Variants in DOK2 observed in about 807,000 individuals in gnomAD.
DOK2 encodes the protein docking protein 2.
In DOK2, 28 loss-of-function variants were observed where a neutral mutation model predicts 26.0. That is an observed-to-expected ratio of 1.08 (90% CI 0.80 to 1.48). The LOEUF is 1.48. Among genes scored for constraint, DOK2 ranks in the 40% most tolerant of loss-of-function variants. DOK2 has a pLI of 0.00. For synonymous variants in DOK2, 282 were observed against 236.9 expected (o/e 1.19, Z -1.75); for missense variants, 682 against 558.2 (o/e 1.22, Z -2.23).
chr8:21,911,676 G>A (rs1446773269), intron 3 of DOK2, among the ~76,000 whole-genome samples: 1 of 152,166 alleles, frequency 6.6e-6, no homozygotes, highest in Non-Finnish European at 1.5e-5. Flanking sequence ...GCAGGCCCTA[G>A]GTAAGATGAG....
In DOK2 at chr8:21,909,738, T is replaced by A; in HGVS notation, c.812A>T (p.Tyr271Phe). The change falls in exon 5 of 5, where the codon TAC becomes TTC. Residue 271 changes from tyrosine to phenylalanine, a missense_variant. Coordinates refer to ENST00000276420, the MANE Select transcript of DOK2 (RefSeq NM_003974.4). ...CGGCAGTGAGTCATGCGGCCGAGAG[T>A]AGGGGCTATCAGGCCGGGGCAGCGA... ...PASLPRPDSP[Y>F]SRPHDSLPPP... The A allele has an allele frequency of 6.2e-7, 1 of 1,613,220 alleles. No homozygotes were observed. The highest frequency in any genetic ancestry group is 1.1e-5 in the South Asian group (1 of 91,054).
rs747640366 is a variant in DOK2 at position 21,909,502 on chromosome 8, C to T, written c.1048G>A (p.Gly350Arg). 3.1e-6 allele frequency: 5 copies of T among 1,614,148 alleles called. No individual in the cohort carries two copies. Among genetic ancestry groups the T allele is most frequent in the Middle Eastern group, 1.6e-4 (1 of 6,062 alleles). ...TCATAGAGGGACAGGGCAGCCACTC[C>T]CTCGGGCTCATCGTATATGTGGTCA... ...RPDHIYDEPEGVAALSLYDSP... is the reference protein window; with the variant it reads ...RPDHIYDEPERVAALSLYDSP... Residue 350 changes from glycine (G) to arginine (R), a missense_variant, in exon 5 of 5, where the codon GGA becomes AGA. By Grantham distance (125) the Gly-to-Arg change is moderately radical. Transcript: ENST00000276420.
rs556487729 is a variant in DOK2, at chr8:21,912,636, G to A, written c.64-126C>T. 3.0e-5 allele frequency: 27 copies of A among 908,978 alleles called. No individual in the cohort carries two copies. The African/African-American group carries it at 4.4e-4, about 15-fold the overall frequency. 56.3% of individuals were successfully genotyped at this position (908,978 alleles called of 1,614,324 possible). On this transcript the variant is annotated intron_variant, in intron 1 of 4. Transcript: ENST00000276420. ...GCAGCCACTTGGAGATGGGGAGAGAGAGGTGAAGATCACATGAGACCCAGG... is the reference window on the plus strand; with the variant it reads ...GCAGCCACTTGGAGATGGGGAGAGAAAGGTGAAGATCACATGAGACCCAGG...
Position 21,909,743 on chromosome 8 carries a change from G to A in DOK2, c.807C>T (p.Ser269=). ...GTGAGTCATGCGGCCGAGAGTAGGG[G>A]CTATCAGGCCGGGGCAGCGACGCGG... ...TIPASLPRPD[S]PYSRPHDSLP... The change falls in exon 5 of 5, where the codon AGC becomes AGT. Residue 269 remains serine, a synonymous_variant. Coordinates refer to ENST00000276420, the MANE Select transcript of DOK2 (RefSeq NM_003974.4). 1 of 1,613,726 alleles carries A rather than the reference G, an allele frequency of 6.2e-7. No homozygotes were observed. The highest frequency in any genetic ancestry group is 8.5e-7 in the Non-Finnish European group (1 of 1,180,012).
At chr8:21,911,796 A>T (rs1809854753) in intron 3 of DOK2, 105 bp downstream of exon 3, 1 of 1,275,060 alleles carries the variant, frequency 7.8e-7, no homozygotes, top group Non-Finnish European at 1.1e-6. Context: ...GGATAACCAC[A>T]AGGCAGGAAG....
rs1809860620 is a variant in DOK2, at chr8:21,911,888, C to T, written c.433+13G>A. 3 of 1,553,820 alleles carry T rather than the reference C, an allele frequency of 1.9e-6. No individual in the cohort carries two copies. The East Asian group carries it at 7.2e-5, about 37-fold the overall frequency. Reference sequence around the variant, plus strand: ...GCCCCCAGGGGAGAGCAGGGCAGCCCCCGCCCCCTCACCTGTGACTGCGCT... The same window carrying T: ...GCCCCCAGGGGAGAGCAGGGCAGCCTCCGCCCCCTCACCTGTGACTGCGCT... On this transcript the variant is annotated intron_variant, in intron 3 of 4. Transcript: ENST00000276420.
At position 21,909,915 on chromosome 8, in the gene DOK2, T is replaced by A; in HGVS notation, c.635A>T (p.Glu212Val). 1 of 1,609,784 alleles carries A rather than the reference T, an allele frequency of 6.2e-7. No individual in the cohort carries two copies. Among genetic ancestry groups the A allele is most frequent in the Non-Finnish European group, 8.5e-7 (1 of 1,179,134 alleles). Residue 212 changes from glutamate to valine, a missense_variant, in exon 5 of 5, where the codon GAG (glutamate) becomes GTG (valine). Coordinates refer to ENST00000276420, the MANE Select transcript of DOK2 (RefSeq NM_003974.4). ...TCCAGAGACGCAGCGACGGCCTGCC[T>A]CAAAGGAAAAGGTTACCTGGACCAG... ...FGRDKVTFSFEAGRRCVSGEG... is the reference protein window; with the variant it reads ...FGRDKVTFSFVAGRRCVSGEG...
chr8:21,908,905 T>A lies in DOK2; in HGVS notation c.*406A>T, dbSNP rs548995517. 240 of 162,842 alleles carry A rather than the reference T, an allele frequency of 1.5e-3. No homozygotes were observed. Among genetic ancestry groups the A allele is most frequent in the South Asian group, 5.9e-3 (30 of 5,050 alleles). 10.1% of individuals were successfully genotyped at this position (162,842 alleles called of 1,614,324 possible). On this transcript the variant is annotated 3_prime_UTR_variant, in exon 5 of 5. Transcript: ENST00000276420. ...AAAATGCTTTAATGCCACCAAGAAA[T>A]CTGAAAGGTGCAGGAAGCTGCCGCC... is the stretch of plus-strand genomic sequence containing the variant.
At chr8:21,912,857 TGGCCGA>T (rs1011877680) in intron 1 of DOK2, among the ~76,000 whole-genome samples, 56 of 152,300 alleles carry the variant, frequency 3.7e-4, no homozygotes, top group African/African-American at 1.3e-3. Context: ...AGCGGGGCAG[TGGCCGA>T]GGCCCAGAGG....
Position 21,912,310 on chromosome 8 carries a change from G to A in DOK2, c.264C>T (p.Thr88=). 6.2e-7 allele frequency: 1 copy of A among 1,604,220 alleles called. No homozygotes were observed. ...PRDTSAFFLE[T]KERLYLLAAP... is the part of the protein sequence containing the mutation. Reference sequence around the variant, plus strand: ...CCGCCAGGAGGTACAGGCGCTCCTTGGTCTCCAGGAAGAAGGCACTGGTGT... The same window carrying A: ...CCGCCAGGAGGTACAGGCGCTCCTTAGTCTCCAGGAAGAAGGCACTGGTGT... Residue 88 remains threonine, a synonymous_variant, in exon 2 of 5, where the codon ACC becomes ACT. Transcript: ENST00000276420.
At chr8:21,912,013 T>A in intron 2 of DOK2, 25 bp from the exon 3 acceptor site, 1 of 1,542,312 alleles carries the variant, frequency 6.5e-7, no homozygotes. Flanking sequence ...CCCCGTCTCA[T>A]CACCTTCCCC....
chr8:21,912,865 G>A (rs1394960578), intron 1 of DOK2, among the ~76,000 whole-genome samples: 5 of 152,250 alleles, frequency 3.3e-5, no homozygotes, highest in Admixed American at 3.3e-4. Flanking sequence ...AGTGGCCGAG[G>A]CCCAGAGGAG....
intron 4 of DOK2, among the ~76,000 whole-genome samples, 191 bp from the exon 5 acceptor site, chr8:21,910,122 C>T (rs1809781324): frequency 6.6e-6 from 1 of 152,108 alleles, no homozygotes; most frequent in Non-Finnish European, 1.5e-5. Context: ...GCTGGGACTA[C>T]AGGCGCATGC....
At chr8:21,912,117 AG>A in intron 2 of DOK2, 111 bp downstream of exon 2, 1 of 1,465,634 alleles carries the variant, frequency 6.8e-7, no homozygotes, top group Non-Finnish European at 9.0e-7. Context: ...CCCCACATGG[AG>A]GAAGCACCCC....
At chr8:21,911,350 T>C (rs1809837363) in intron 3 of DOK2, among the ~76,000 whole-genome samples, 1 of 152,196 alleles carries the variant, frequency 6.6e-6, no homozygotes, top group Non-Finnish European at 1.5e-5. Flanking sequence ...CTCATGCCTG[T>C]AATCCCAACA....
chr8:21,911,306 C>A (rs754539640), intron 3 of DOK2, among the ~76,000 whole-genome samples: 1 of 151,982 alleles, frequency 6.6e-6, no homozygotes, highest in Non-Finnish European at 1.5e-5. Context: ...TCCACCAGCT[C>A]CTCAAAAGCA....
chr8:21,912,522 G>T lies in DOK2; in HGVS notation c.64-12C>A, dbSNP rs185989167. ...AAGCGGCGCCATTTCTGTGCCAGAG[G>T]CGTGGGAGGCGGGGGCGGGAGGGAG... On this transcript the variant is annotated splice_polypyrimidine_tract_variant and intron_variant, in intron 1 of 4. Transcript: ENST00000276420. The T allele has an allele frequency of 9.4e-5, 141 of 1,492,984 alleles. No homozygotes were observed. The East Asian group carries it at 3.3e-3, about 35-fold the overall frequency. 92.5% of individuals were successfully genotyped at this position (1,492,984 alleles called of 1,614,324 possible). A position where few individuals can be genotyped will look rare whatever the true frequency, so the allele number is the denominator to read the frequency against.
Position 21,912,420 on chromosome 8 carries a change from G to T in DOK2, c.154C>A (p.Arg52=). ...ATGACCTTCCGGGCAGCCTCACACC[G>T]ACGAGGCTTCTCCGGGCCCTCCTGC... The part of the protein sequence containing the change: ...ELQEGPEKPR[R]CEAARKVIRL... The change falls in exon 2 of 5, where the codon CGG becomes AGG. Residue 52 remains arginine, a synonymous_variant. Transcript: ENST00000276420. 1 of 1,583,286 alleles carries T rather than the reference G, an allele frequency of 6.3e-7. No homozygotes were observed.
chr8:21,909,426 T>C lies in DOK2; in HGVS notation c.1124A>G (p.Asp375Gly). The C allele has an allele frequency of 1.9e-6, 3 of 1,612,830 alleles. No individual in the cohort carries two copies. ...GEAWRRQATA[D>G]RDPAGLQHVQ... ...ATGCTGGAGGCCAGCAGGGTCCCTG[T>C]CAGCTGTCGCCTGCCTCCTCCATGC... Residue 375 changes from aspartate (D) to glycine (G), a missense_variant, in exon 5 of 5, where the codon GAC becomes GGC. Physicochemically the swap from Asp to Gly is moderately conservative, Grantham distance 94. Transcript: ENST00000276420.
Sources: gnomAD v4.1 joint callset for allele counts (sites outside exome capture counted in the v4.1 genomes callset) on GRCh38, gnomAD v4.1.1 for gene constraint, MANE v1.5 for transcripts, NCBI Gene and HGNC (gene_info 2026-07-23, HGNC 2026-07-21) for gene names.